The following GLCCI1 variants were observed in gnomAD, a reference collection of about 807,000 sequenced individuals.
GLCCI1 encodes glucocorticoid induced 1, also known as glucocorticoid-induced transcript 1 protein.
In GLCCI1, 24 loss-of-function variants were observed where a neutral mutation model predicts 52.2. The ratio of observed to expected loss-of-function variants is 0.46; its 90% CI spans 0.33 to 0.65. GLCCI1 has a LOEUF of 0.65. Among genes scored for constraint, GLCCI1 ranks in the 30% least tolerant of loss-of-function variants. The pLI is 0.02. For missense variants in GLCCI1, 704 were observed against 701.5 expected (o/e 1.00, Z -0.04); for synonymous variants, 310 against 276.5 (o/e 1.12, Z -1.20).
chr7:7,969,337 C>G lies in GLCCI1; in HGVS notation c.-14C>G, dbSNP rs754048278. 2 of 1,467,862 alleles carry G rather than the reference C, an allele frequency of 1.4e-6. No homozygotes were observed. The allele number at this position is 1,467,862 out of a possible 1,614,324, so 90.9% of individuals were successfully genotyped here. A position where few individuals can be genotyped will look rare whatever the true frequency, so the allele number is the denominator to read the frequency against. On this transcript the variant is annotated 5_prime_UTR_variant, in exon 1 of 8. Transcript: ENST00000223145. This position sits in a 1 kb window ranked among gnomAD's most constrained non-coding sequence, Gnocchi z 4.9. ...CCGTGTCGGCCGGCGGCGTCCAGGG[C>G]CCGCAGAGCCACCATGTCCACTGCC...
chr7:8,011,075 T>A (rs1366906117), intron 2 of GLCCI1, among the ~76,000 whole-genome samples: 1 of 152,018 alleles, frequency 6.6e-6, no homozygotes, highest in African/African-American at 2.4e-5. Flanking sequence ...GCCGAGATCA[T>A]GTGACTACAT....
intron 1 of GLCCI1, among the ~76,000 whole-genome samples, chr7:7,985,883 T>C (rs1780716792): frequency 6.6e-6 from 1 of 152,236 alleles, no homozygotes. Context: ...TGGAAGATTA[T>C]GTTGGTATTT....
intron 3 of GLCCI1, among the ~76,000 whole-genome samples, chr7:8,038,428 A>G (rs757219445): frequency 6.6e-6 from 1 of 152,300 alleles, no homozygotes; most frequent in South Asian, 2.1e-4. Flanking sequence ...AAAAACATAA[A>G]TCAGTGGAAC....
chr7:8,022,001 G>T (rs750617916), intron 2 of GLCCI1, among the ~76,000 whole-genome samples: 1 of 152,034 alleles, frequency 6.6e-6, no homozygotes, highest in Non-Finnish European at 1.5e-5. Context: ...TTTCAAAAAA[G>T]ATACTAATAC....
At chr7:8,003,862 T>G in intron 1 of GLCCI1, 46 bp from the exon 2 acceptor site, 1 of 1,551,572 alleles carries the variant, frequency 6.4e-7, no homozygotes, top group Non-Finnish European at 8.7e-7. Context: ...AACTTTAAAT[T>G]TTATTTTATT....
chr7:7,981,708 C>A, intron 1 of GLCCI1: 1 of 253,856 alleles, frequency 3.9e-6, no homozygotes, highest in South Asian at 4.3e-5. Context: ...TTTAGCCAGT[C>A]TGTTACAAAG....
At chr7:8,034,503 A>T in intron 3 of GLCCI1, among the ~76,000 whole-genome samples, 1 of 152,224 alleles carries the variant, frequency 6.6e-6, no homozygotes, top group South Asian at 2.1e-4. Flanking sequence ...TATATAAAGA[A>T]TTCTTACAAA....
chr7:8,053,003 GTAT>G (rs916888429), intron 3 of GLCCI1, among the ~76,000 whole-genome samples: 1 of 112,858 alleles, frequency 8.9e-6, no homozygotes, highest in African/African-American at 3.4e-5. Flanking sequence ...TTTTGGTTTT[GTAT>G]TATTTATTTA....
At chr7:8,048,165 T>G (rs1375863844) in intron 3 of GLCCI1, among the ~76,000 whole-genome samples, 1 of 152,154 alleles carries the variant, frequency 6.6e-6, no homozygotes, top group African/African-American at 2.4e-5. Flanking sequence ...AAAGTTGACT[T>G]TCTCTTACAT....
At chr7:8,072,216 T>G (rs1439683849) in intron 6 of GLCCI1, among the ~76,000 whole-genome samples, 1 of 152,220 alleles carries the variant, frequency 6.6e-6, no homozygotes, top group Non-Finnish European at 1.5e-5. Flanking sequence ...CTAGACTTCA[T>G]AGAAATTGAA....
At chr7:8,019,135 T>A (rs1781432147) in intron 2 of GLCCI1, among the ~76,000 whole-genome samples, 1 of 152,216 alleles carries the variant, frequency 6.6e-6, no homozygotes, top group African/African-American at 2.4e-5. Flanking sequence ...CTAAAATAAC[T>A]CATTAAAAAT....
intron 4 of GLCCI1, among the ~76,000 whole-genome samples, chr7:8,056,002 A>AAC (rs1782389895): frequency 1.4e-5 from 2 of 143,820 alleles, no homozygotes; most frequent in African/African-American, 2.6e-5. Flanking sequence ...CAAAAAAAAA[A>AAC]AAAAACAAAA....
intron 4 of GLCCI1, among the ~76,000 whole-genome samples, chr7:8,055,991 T>TAAA (rs1421034523): frequency 1.8e-5 from 1 of 55,138 alleles, no homozygotes; most frequent in African/African-American, 9.6e-5. Flanking sequence ...AGACTCCGTC[T>TAAA]CAAAAAAAAA....
intron 3 of GLCCI1, among the ~76,000 whole-genome samples, chr7:8,034,412 A>T (rs114235619): frequency 0.019 from 2,910 of 152,264 alleles, 89 homozygotes; most frequent in African/African-American, 0.066. Context: ...AAAATACACC[A>T]CTAAGAGAAT....
chr7:7,981,233 C>T, intron 1 of GLCCI1: 1 of 259,774 alleles, frequency 3.8e-6, no homozygotes, highest in South Asian at 3.9e-5. Flanking sequence ...GAGAAATCCT[C>T]TGTTATTTCT....
intron 1 of GLCCI1, among the ~76,000 whole-genome samples, chr7:7,989,421 A>G (rs1454845472): frequency 6.6e-6 from 1 of 152,144 alleles, no homozygotes; most frequent in Non-Finnish European, 1.5e-5. Flanking sequence ...CATAGAAATC[A>G]TGGTCTTTTA....
chr7:8,068,650 A>AATGT (rs1458593341), intron 5 of GLCCI1, among the ~76,000 whole-genome samples: 139 of 152,258 alleles, frequency 9.1e-4, no homozygotes, highest in African/African-American at 3.2e-3. Flanking sequence ...AGCCATTCCA[A>AATGT]CCTGTTTAAG....
rs113787326 is a variant in GLCCI1 at position 7,979,459 on chromosome 7, T to C, written c.457+9652T>C. 2.6e-4 allele frequency among the ~76,000 whole-genome samples: 39 copies of C among 150,920 alleles called. 1 individual carries two copies. Among genetic ancestry groups the C allele is most frequent in the African/African-American group, 5.8e-4 (24 of 41,456 alleles). On this transcript the variant is annotated intron_variant, in intron 1 of 7. Transcript: ENST00000223145. ...CTAAGTTAGCTTGAGCTTTTTCTGG[T>C]GTTCTGTTTTGAAGTTGCCACTCTG...
intron 3 of GLCCI1, among the ~76,000 whole-genome samples, chr7:8,050,465 A>G (rs1562442312): frequency 1.3e-5 from 2 of 152,198 alleles, no homozygotes. Flanking sequence ...ATTTACTTTT[A>G]ACTAGACTAT....
Sources: gnomAD v4.1 joint callset for allele counts (sites outside exome capture counted in the v4.1 genomes callset) on GRCh38, gnomAD v4.1.1 for gene constraint, Gnocchi (gnomAD v3.1) non-coding constraint, MANE v1.5 for transcripts, NCBI Gene and HGNC (gene_info 2026-07-23, HGNC 2026-07-21) for gene names.